The following SEMA4D variants were observed in gnomAD, a reference collection of about 807,000 sequenced individuals.
The protein encoded by SEMA4D is semaphorin-4D.
Under a neutral mutation model 74.8 loss-of-function variants are expected in SEMA4D, and 22 were observed. The ratio of observed to expected loss-of-function variants is 0.29; its 90% confidence interval spans 0.21 to 0.42. The LOEUF is 0.42. Ranked by LOEUF, SEMA4D falls within the 10% of genes least tolerant of loss-of-function variation. The pLI, the probability that SEMA4D is intolerant of heterozygous loss-of-function variation, is 1.00. For missense variants in SEMA4D, 937 were observed against 1,118.4 expected, an observed-to-expected ratio of 0.84 and a Z score of 2.31; for synonymous variants, 445 against 463.7, an observed-to-expected ratio of 0.96 and a Z score of 0.52.
At chr9:89,463,018 G>A (rs1857726246) in intron 1 of SEMA4D, among the ~76,000 whole-genome samples, 1 of 151,206 alleles carries the variant, frequency 6.6e-6, no homozygotes, top group Non-Finnish European at 1.5e-5. Context: ...CACAGAAAAG[G>A]GAAACAGAAC....
At chr9:89,406,067 A>G (rs779424029) in intron 2 of SEMA4D, 39 of 457,392 alleles carry the variant, frequency 8.5e-5, no homozygotes, top group Admixed American at 1.2e-4. Flanking sequence ...AAGGAAGAGA[A>G]CTCGGGTTTC....
chr9:89,480,192 G>A (rs1235856461), intron 1 of SEMA4D, among the ~76,000 whole-genome samples: 1 of 152,146 alleles, frequency 6.6e-6, no homozygotes, highest in East Asian at 1.9e-4. Flanking sequence ...TAGATATAAA[G>A]GTTCTCCACG....
intron 1 of SEMA4D, among the ~76,000 whole-genome samples, chr9:89,461,811 T>G (rs1296482497): frequency 6.7e-6 from 1 of 149,706 alleles, no homozygotes; most frequent in Admixed American, 6.8e-5. Flanking sequence ...CAAGTGATTC[T>G]CCTGCCTCAG....
chr9:89,472,069 G>A (rs528491221), intron 1 of SEMA4D, among the ~76,000 whole-genome samples: 92 of 152,366 alleles, frequency 6.0e-4, no homozygotes, highest in African/African-American at 2.2e-3. Context: ...CACAGGAATA[G>A]GGGCTTCTAA....
Position 89,405,711 on chromosome 9 carries a change from T to A in SEMA4D, c.-243-12A>T. ...CCTCAGAAGAAATGCTGGAAGGACA[T>A]GAGAAAGAAAAGGCAGGACCCATGG... is the stretch of plus-strand genomic sequence containing the variant. On this transcript the variant is annotated splice_polypyrimidine_tract_variant and intron_variant, in intron 2 of 15. Coordinates refer to ENST00000422704, the MANE Select transcript of SEMA4D (RefSeq NM_001371194.2). The A allele has an allele frequency of 7.1e-7, 1 of 1,404,968 alleles. No homozygotes were observed. The highest frequency in any genetic ancestry group is 9.2e-7 in the Non-Finnish European group (1 of 1,083,172). The allele number at this position is 1,404,968 out of a possible 1,614,324, so 87.0% of individuals were successfully genotyped here.
chr9:89,470,461 G>GA (rs1240961437), intron 1 of SEMA4D, among the ~76,000 whole-genome samples: 7 of 152,288 alleles, frequency 4.6e-5, no homozygotes, highest in South Asian at 4.1e-4. Flanking sequence ...AATGGCTTAA[G>GA]AAAAAACTTA....
At chr9:89,446,013 A>G (rs1402859376) in intron 2 of SEMA4D, among the ~76,000 whole-genome samples, 1 of 152,058 alleles carries the variant, frequency 6.6e-6, no homozygotes, top group Non-Finnish European at 1.5e-5. Flanking sequence ...CATGTGTTCT[A>G]TCCCTGCAGG....
chr9:89,450,686 A>AAAAAAAAAC, intron 2 of SEMA4D: 3 of 945,102 alleles, frequency 3.2e-6, no homozygotes, highest in Non-Finnish European at 4.8e-6. Context: ...AAAAAAAAAA[A>AAAAAAAAAC]AGGCCTCCAA....
At chr9:89,395,132 T>C (rs74871955) in intron 6 of SEMA4D, among the ~76,000 whole-genome samples, 5,081 of 152,190 alleles carry the variant, frequency 0.033, 120 homozygotes, top group Non-Finnish European at 0.052. Flanking sequence ...ATTAAAAATA[T>C]TAGGAAAAAT....
chr9:89,458,333 G>A lies in SEMA4D; in HGVS notation c.-309-2380C>T, dbSNP rs193207711. 1.7e-3 allele frequency among the ~76,000 whole-genome samples: 264 copies of A among 152,252 alleles called. 1 individual carries two copies. Among genetic ancestry groups the A allele is most frequent in the African/African-American group, 5.7e-3 (237 of 41,516 alleles). ...TAGGGCTGTTTTTACCCTGCACACT[G>A]CAACCGATACATACCACAGTTGCCC... On this transcript the variant is annotated intron_variant, in intron 1 of 15. Transcript: ENST00000422704.
intron 1 of SEMA4D, among the ~76,000 whole-genome samples, chr9:89,462,961 C>G (rs1564881996): frequency 2.5e-4 from 5 of 19,838 alleles, no homozygotes; most frequent in African/African-American, 4.3e-4. Context: ...GAGGGGGGAG[C>G]GAGCGAGGGG....
intron 2 of SEMA4D, among the ~76,000 whole-genome samples, chr9:89,447,793 A>C (rs1853327227): frequency 9.0e-6 from 1 of 111,710 alleles, no homozygotes; most frequent in African/African-American, 3.5e-5. Context: ...CCCCACCACC[A>C]CTTCAGTGCT....
chr9:89,413,047 C>T (rs1270768326), intron 2 of SEMA4D, among the ~76,000 whole-genome samples: 5 of 152,174 alleles, frequency 3.3e-5, no homozygotes, highest in Admixed American at 1.3e-4. Context: ...TGGCTTTCTT[C>T]GCCATTTCTG....
chr9:89,363,832 G>A (rs762874354), exon 17 of SEMA4D: 16 of 1,614,014 alleles, frequency 9.9e-6, no homozygotes, highest in South Asian at 2.2e-5. Context: ...CCCTGATGGC[G>A]TCCTGCAGCC....
In SEMA4D at chr9:89,455,923, G is replaced by A. The variant is rs1407544581; in HGVS notation, c.-279C>T. 1 of 152,252 alleles carries A rather than the reference G, an allele frequency of 6.6e-6. No homozygotes were observed. Among genetic ancestry groups the A allele is most frequent in the Non-Finnish European group, 1.5e-5 (1 of 68,054 alleles). The allele number at this position is 152,252 out of a possible 1,614,324, so 9.4% of individuals were successfully genotyped here. On this transcript the variant is annotated 5_prime_UTR_variant, in exon 2 of 16. Coordinates refer to ENST00000422704, the MANE Select transcript of SEMA4D (RefSeq NM_001371194.2). ...GTGTCGTCAAACATTTCAGCACATG[G>A]TTTCTTTCCACTATCTGGTGTTAGC...
In SEMA4D at chr9:89,379,059, A is replaced by G. The variant is rs1836377393; in HGVS notation, c.2234T>C (p.Val745Ala). 6.2e-7 allele frequency: 1 copy of G among 1,613,180 alleles called. No homozygotes were observed. Among genetic ancestry groups the G allele is most frequent in the Non-Finnish European group, 8.5e-7 (1 of 1,179,560 alleles). Reference sequence around the variant, plus strand: ...GTAGAAAAAGAGGCAGAGGAAGAGAACAAAGAAGAAGAGGAAGAGGGACAT... The same window carrying G: ...GTAGAAAAAGAGGCAGAGGAAGAGAGCAAAGAAGAAGAGGAAGAGGGACAT... The part of the protein sequence containing the change: ...LLMSLFLFFF[V>A]LFLCLFFYNC... Residue 745 changes from valine to alanine, a missense_variant, in exon 16 of 16, where the codon GTT becomes GCT. Coordinates refer to ENST00000422704, the MANE Select transcript of SEMA4D (RefSeq NM_001371194.2).
At chr9:89,468,743 C>A (rs1218957186) in intron 1 of SEMA4D, among the ~76,000 whole-genome samples, 2 of 152,128 alleles carry the variant, frequency 1.3e-5, no homozygotes, top group Non-Finnish European at 2.9e-5. Flanking sequence ...TATAAGGCTG[C>A]CCAGATTCTC....
chr9:89,428,419 C>A (rs1363710554), intron 2 of SEMA4D, among the ~76,000 whole-genome samples: 1 of 152,258 alleles, frequency 6.6e-6, no homozygotes, highest in Non-Finnish European at 1.5e-5. Flanking sequence ...CATGCCCCAG[C>A]CACCAGAGAG....
At chr9:89,369,451 A>G (rs1834200250) in intron 16 of SEMA4D, 1 of 152,258 alleles carries the variant, frequency 6.6e-6, no homozygotes, top group African/African-American at 2.4e-5. Context: ...GACATGGAAG[A>G]TAGTCCTGGC....
Sources: allele counts gnomAD v4.1 joint callset (sites outside exome capture counted in the v4.1 genomes callset), GRCh38; gene constraint gnomAD v4.1.1; transcripts MANE v1.5; gene names NCBI Gene and HGNC (gene_info 2026-07-23, HGNC 2026-07-21).